Variants in SLC8A3 observed in about 807,000 individuals in gnomAD.
The protein encoded by SLC8A3 is sodium/calcium exchanger 3.
SLC8A3 carries 37 observed loss-of-function variants against 65.4 expected under a neutral mutation model. That is an observed-to-expected ratio of 0.57 (90% CI 0.44 to 0.74). The LOEUF is 0.74. Ranked by LOEUF, SLC8A3 falls within the 30% of genes least tolerant of loss-of-function variation. The pLI is 0.00. For missense variants in SLC8A3, 1,112 were observed against 1,172.1 expected (o/e 0.95, Z 0.75); for synonymous variants, 461 against 444.5 (o/e 1.04, Z -0.47).
chr14:70,143,756 G>T (rs950569275), intron 2 of SLC8A3, among the ~76,000 whole-genome samples: 3 of 152,076 alleles, frequency 2.0e-5, no homozygotes, highest in Non-Finnish European at 4.4e-5. Flanking sequence ...TAACCTGCTG[G>T]TTTTGGTGCT....
intron 1 of SLC8A3, among the ~76,000 whole-genome samples, chr14:70,183,282 T>C (rs1004763640): frequency 2.6e-5 from 4 of 152,224 alleles, no homozygotes; most frequent in Non-Finnish European, 5.9e-5. Flanking sequence ...TAGATATGAT[T>C]CTGTATGCCA....
At position 70,168,371 on chromosome 14, in the gene SLC8A3, G is replaced by T; in HGVS notation, c.52C>A (p.Leu18Met). 6.2e-7 allele frequency: 1 copy of T among 1,614,140 alleles called. No individual in the cohort carries two copies. The highest frequency in any genetic ancestry group is 8.5e-7 in the Non-Finnish European group (1 of 1,180,012). The part of the protein sequence containing the change: ...PLTSAFLHFG[L>M]VTFVLFLNGL... ...TTCAGGAAGAGCACAAAGGTAACCA[G>T]CCCAAAATGGAGGAAGGCAGAGGTG... Residue 18 changes from leucine (L) to methionine (M), a missense_variant, in exon 2 of 7, where the codon CTG (leucine) becomes ATG (methionine). Transcript: ENST00000356921.
At chr14:70,115,077 G>T (rs1241671209) in intron 2 of SLC8A3, among the ~76,000 whole-genome samples, 2 of 152,152 alleles carry the variant, frequency 1.3e-5, no homozygotes, top group Non-Finnish European at 1.5e-5. Flanking sequence ...GTGCTCTAAG[G>T]ATACTTAAAG....
intron 1 of SLC8A3, among the ~76,000 whole-genome samples, chr14:70,187,677 T>A: frequency 7.1e-6 from 1 of 141,386 alleles, no homozygotes; most frequent in East Asian, 2.1e-4. Flanking sequence ...CGGGGGAGGG[T>A]TAGTTATATA....
intron 2 of SLC8A3, among the ~76,000 whole-genome samples, chr14:70,071,669 G>A (rs150947): frequency 0.01 from 1,549 of 152,284 alleles, 19 homozygotes; most frequent in African/African-American, 0.035. Flanking sequence ...TCAGTCTCAC[G>A]AGAACTTGGA....
At chr14:70,106,714 A>G (rs2140126962) in intron 2 of SLC8A3, among the ~76,000 whole-genome samples, 1 of 152,264 alleles carries the variant, frequency 6.6e-6, no homozygotes, top group African/African-American at 2.4e-5. Flanking sequence ...ATTCAATTTG[A>G]TTTGATTAAA....
intron 2 of SLC8A3, among the ~76,000 whole-genome samples, chr14:70,087,641 T>C (rs1340521056): frequency 1.3e-5 from 2 of 152,358 alleles, no homozygotes; most frequent in East Asian, 3.9e-4. Flanking sequence ...GAGCTGCCAT[T>C]TACAATTTTA....
chr14:70,046,222 C>G lies in SLC8A3; in HGVS notation c.2491G>C (p.Gly831Arg). The G allele has an allele frequency of 6.2e-7, 1 of 1,614,210 alleles. No homozygotes were observed. The highest frequency in any genetic ancestry group is 8.5e-7 in the Non-Finnish European group (1 of 1,180,028). Residue 831 changes from glycine (G) to arginine (R), a missense_variant, in exon 7 of 7, where the codon GGC becomes CGC. By Grantham distance (125) the Gly-to-Arg change is moderately radical (BLOSUM62 -2). Transcript: ENST00000356921. This position sits in a 1 kb window ranked among gnomAD's most constrained non-coding sequence, Gnocchi z 4.2. The part of the protein sequence containing the change: ...SNAVNVFLGI[G>R]LAWSVAAIYW... ...ATGGCGGCCACGGACCAGGCCAGGC[C>G]GATGCCCAGGAAGACATTGACGGCG...
At chr14:70,122,941 G>A (rs745866756) in intron 2 of SLC8A3, among the ~76,000 whole-genome samples, 19 of 151,642 alleles carry the variant, frequency 1.3e-4, no homozygotes, top group Non-Finnish European at 2.4e-4. Context: ...GTGCGGTGGC[G>A]GGCGCCTGTA....
chr14:70,170,106 A>AAAAC (rs1219845987), intron 1 of SLC8A3, among the ~76,000 whole-genome samples: 1 of 152,184 alleles, frequency 6.6e-6, no homozygotes, highest in Non-Finnish European at 1.5e-5. Context: ...TTTTTTTAAA[A>AAAAC]AAACAAACAA....
intron 1 of SLC8A3, among the ~76,000 whole-genome samples, chr14:70,170,308 T>G (rs1897442530): frequency 6.6e-6 from 1 of 152,164 alleles, no homozygotes; most frequent in Non-Finnish European, 1.5e-5. Context: ...GGTTCACTCT[T>G]GGATTATACC....
chr14:70,125,803 C>T (rs1399560932), intron 2 of SLC8A3, among the ~76,000 whole-genome samples: 1 of 152,144 alleles, frequency 6.6e-6, no homozygotes, highest in Non-Finnish European at 1.5e-5. Flanking sequence ...GTCTGGGCCT[C>T]ATCCCCATGG....
At chr14:70,174,667 T>G (rs1004348142) in intron 1 of SLC8A3, among the ~76,000 whole-genome samples, 15,777 of 92,286 alleles carry the variant, frequency 0.17, 1,693 homozygotes, top group Admixed American at 0.22. Flanking sequence ...TTTTTGTTTT[T>G]TTTTTTTTTT....
intron 2 of SLC8A3, among the ~76,000 whole-genome samples, chr14:70,164,918 AG>A (rs1216739076): frequency 6.6e-6 from 1 of 152,242 alleles, no homozygotes; most frequent in Non-Finnish European, 1.5e-5. Context: ...ATTCTCCAGA[AG>A]GCACAGGTTT....
In SLC8A3 at chr14:70,079,947, C is replaced by T. The variant is rs577347119; in HGVS notation, c.1785-19008G>A. ...GTTCTACTGCTTATAGCTGTGTGAC[C>T]TTGGCCAAATCTCTTACCTCTTTGA... is the stretch of plus-strand genomic sequence containing the variant. On this transcript the variant is annotated intron_variant, in intron 2 of 6. Transcript: ENST00000356921. 33 of 247,188 alleles carry T rather than the reference C, an allele frequency of 1.3e-4. 1 individual carries two copies. Among genetic ancestry groups the T allele is most frequent in the African/African-American group, 7.4e-4 (32 of 43,266 alleles). 15.3% of individuals were successfully genotyped at this position (247,188 alleles called of 1,614,324 possible). A position where few individuals can be genotyped will look rare whatever the true frequency, so the allele number is the denominator to read the frequency against.
intron 2 of SLC8A3, among the ~76,000 whole-genome samples, chr14:70,073,013 A>G (rs1365964604): frequency 6.6e-6 from 1 of 152,062 alleles, no homozygotes; most frequent in East Asian, 1.9e-4. Flanking sequence ...ATTATGCCCC[A>G]AACATGTCAT....
chr14:70,080,749 G>C (rs768350364), intron 2 of SLC8A3, among the ~76,000 whole-genome samples: 1 of 152,124 alleles, frequency 6.6e-6, no homozygotes, highest in Admixed American at 6.5e-5. Context: ...ATTTGTGCAC[G>C]GAGCTCCATA....
intron 1 of SLC8A3, among the ~76,000 whole-genome samples, chr14:70,186,506 G>A (rs1027272094): frequency 3.9e-5 from 6 of 152,196 alleles, no homozygotes; most frequent in Non-Finnish European, 7.3e-5. Context: ...AGCATTCCAA[G>A]CGGAGGAAAC....
chr14:70,148,182 C>T (rs114324219), intron 2 of SLC8A3, among the ~76,000 whole-genome samples: 2,591 of 152,180 alleles, frequency 0.017, 29 homozygotes, highest in African/African-American at 0.031. Context: ...CACTTGTAGA[C>T]GAATATAAGT....
Sources: gnomAD v4.1 joint callset for allele counts (sites outside exome capture counted in the v4.1 genomes callset) on GRCh38, gnomAD v4.1.1 for gene constraint, Gnocchi (gnomAD v3.1) non-coding constraint, MANE v1.5 for transcripts, NCBI Gene and HGNC (gene_info 2026-07-23, HGNC 2026-07-21) for gene names.